DACH2: variants seen among roughly 807,000 people sequenced by gnomAD.
The protein encoded by DACH2 is dachshund homolog 2.
Under a neutral mutation model 35.8 loss-of-function variants are expected in DACH2, and 17 were observed. The observed-to-expected ratio is 0.48, with a 90% CI of 0.33 to 0.71. DACH2 has a LOEUF of 0.71. DACH2 is among the 30% of genes least tolerant of loss of function. DACH2 has a pLI of 0.02. For missense variants in DACH2, 469 were observed against 472.7 expected, an observed-to-expected ratio of 0.99 and a Z score of 0.07; for synonymous variants, 195 against 177.3, an observed-to-expected ratio of 1.10 and a Z score of -0.79.
At chrX:86,500,003 A>G (rs755688304) in intron 2 of DACH2, among the ~76,000 whole-genome samples, 1 of 111,603 alleles carries the variant, frequency 9.0e-6, no homozygotes, top group African/African-American at 3.3e-5. Flanking sequence ...GATGCACACA[A>G]TTGGTGCCTG....
chrX:86,237,971 T>G (rs146242208), intron 1 of DACH2, among the ~76,000 whole-genome samples: 3,432 of 112,002 alleles, frequency 0.031, 129 homozygotes, highest in African/African-American at 0.1. Context: ...TCTTCTCTCC[T>G]TCTTATCTCG....
chrX:86,660,477 G>T (rs895553877), intron 4 of DACH2, among the ~76,000 whole-genome samples: 1 of 111,685 alleles, frequency 9.0e-6, no homozygotes, highest in Non-Finnish European at 1.9e-5. Flanking sequence ...ATAGGCAATG[G>T]TTCTTAAACT....
At chrX:86,649,749 C>T (rs939436848) in intron 3 of DACH2, among the ~76,000 whole-genome samples, 5 of 111,277 alleles carry the variant, frequency 4.5e-5, no homozygotes, top group Non-Finnish European at 9.5e-5. Flanking sequence ...CTACCAAACA[C>T]ACAGTTAGAC....
chrX:86,642,919 A>T (rs754767212), intron 3 of DACH2, among the ~76,000 whole-genome samples: 4 of 111,867 alleles, frequency 3.6e-5, no homozygotes, highest in Non-Finnish European at 7.5e-5. Flanking sequence ...GAGAACAAAG[A>T]TGCAACATAC....
intron 2 of DACH2, among the ~76,000 whole-genome samples, chrX:86,470,417 C>A: frequency 9.0e-6 from 1 of 111,585 alleles, no homozygotes; most frequent in Non-Finnish European, 1.9e-5. Flanking sequence ...AATAGCTAGT[C>A]ATGTCACATA....
At chrX:86,595,532 G>T (rs1325977784) in intron 3 of DACH2, among the ~76,000 whole-genome samples, 1 of 110,847 alleles carries the variant, frequency 9.0e-6, no homozygotes, top group African/African-American at 3.3e-5. Flanking sequence ...AGCAAGAGTT[G>T]GGCAGTCTTT....
At chrX:86,694,659 C>G (rs1297937803) in intron 4 of DACH2, among the ~76,000 whole-genome samples, 2 of 111,951 alleles carry the variant, frequency 1.8e-5, no homozygotes, top group Non-Finnish European at 3.8e-5. Context: ...GTGATCAGTA[C>G]AGTCCTTTAA....
chrX:86,744,831 C>T (rs1422808854), intron 7 of DACH2, among the ~76,000 whole-genome samples: 6 of 111,442 alleles, frequency 5.4e-5, no homozygotes, highest in African/African-American at 9.8e-5. Flanking sequence ...AAATTAATCA[C>T]GTTATGACAT....
intron 6 of DACH2, among the ~76,000 whole-genome samples, chrX:86,728,962 TAC>T (rs957803786): frequency 2.7e-5 from 3 of 112,492 alleles, no homozygotes. Flanking sequence ...TTGGAGCCCT[TAC>T]ACAGAGTCCC....
intron 7 of DACH2, among the ~76,000 whole-genome samples, chrX:86,796,102 G>A (rs760576424): frequency 1.4e-4 from 16 of 111,815 alleles, no homozygotes; most frequent in Non-Finnish European, 2.3e-4. Context: ...CTGCTGATGG[G>A]TCCATTTTAC....
At chrX:86,623,584 G>T (rs963057724) in intron 3 of DACH2, among the ~76,000 whole-genome samples, 1 of 111,741 alleles carries the variant, frequency 8.9e-6, no homozygotes, top group Non-Finnish European at 1.9e-5. Flanking sequence ...TCTACAGGAA[G>T]TATCAAACCA....
chrX:86,626,664 A>G (rs1386738635), intron 3 of DACH2, among the ~76,000 whole-genome samples: 4 of 113,237 alleles, frequency 3.5e-5, no homozygotes, highest in African/African-American at 1.3e-4. Context: ...CCCAAACCTC[A>G]GTTCTTGACT....
At chrX:86,693,700 A>G (rs73228603) in intron 4 of DACH2, among the ~76,000 whole-genome samples, 7,692 of 112,322 alleles carry the variant, frequency 0.068, 295 homozygotes, top group Non-Finnish European at 0.11. Context: ...TTGAAATAAA[A>G]GTATAAAAAT....
At chrX:86,396,615 A>G (rs1423864669) in intron 2 of DACH2, among the ~76,000 whole-genome samples, 1 of 109,023 alleles carries the variant, frequency 9.2e-6, no homozygotes, top group Non-Finnish European at 1.9e-5. Context: ...ATGGCTAGCC[A>G]GTTTTCCCAG....
At chrX:86,500,205 A>G (rs1484139796) in intron 2 of DACH2, among the ~76,000 whole-genome samples, 1 of 111,540 alleles carries the variant, frequency 9.0e-6, no homozygotes, top group Non-Finnish European at 1.9e-5. Context: ...TCCAATATAC[A>G]CTGGTTTGGT....
chrX:86,495,747 A>G (rs1294936477), intron 2 of DACH2, among the ~76,000 whole-genome samples: 1 of 109,627 alleles, frequency 9.1e-6, no homozygotes, highest in African/African-American at 3.3e-5. Context: ...AGTCAGCCCA[A>G]GGGTTTGAGG....
At chrX:86,464,721 A>G (rs922248063) in intron 2 of DACH2, among the ~76,000 whole-genome samples, 6 of 111,810 alleles carry the variant, frequency 5.4e-5, no homozygotes, top group Non-Finnish European at 7.5e-5. Context: ...CAAAAAAGAT[A>G]AGTGTAGAAA....
chrX:86,252,104 A>AT (rs1272884125), intron 1 of DACH2, among the ~76,000 whole-genome samples: 26 of 110,215 alleles, frequency 2.4e-4, no homozygotes, highest in Non-Finnish European at 4.4e-4. Flanking sequence ...GACGTTGACC[A>AT]TTTTTTTCAC....
At chrX:86,670,430 C>G (rs932640378) in intron 4 of DACH2, among the ~76,000 whole-genome samples, 2 of 111,538 alleles carry the variant, frequency 1.8e-5, no homozygotes, top group African/African-American at 6.5e-5. Flanking sequence ...TTGCCTCTCT[C>G]TGCAATGTCC....
Sources: allele counts gnomAD v4.1 joint callset (sites outside exome capture counted in the v4.1 genomes callset), GRCh38; gene constraint gnomAD v4.1.1; transcripts MANE v1.5; gene names NCBI Gene and HGNC (gene_info 2026-07-23, HGNC 2026-07-21).